Variants in TBC1D5 observed in about 807,000 individuals in gnomAD.
TBC1D5 encodes TBC1 domain family, member 5.
A neutral mutation model predicts 100.3 loss-of-function variants in TBC1D5; 75 were observed. The observed-to-expected ratio is 0.75, with a 90% confidence interval of 0.62 to 0.91. The LOEUF (loss-of-function observed/expected upper bound fraction) is 0.91, where lower values mean the gene tolerates loss of function less well. Among genes scored for constraint, TBC1D5 ranks in the 40% least tolerant of loss-of-function variants. The pLI is 0.00. For missense variants in TBC1D5, 910 were observed against 942.4 expected, an observed-to-expected ratio of 0.97 and a Z score of 0.45; for synonymous variants, 323 against 325.6, an observed-to-expected ratio of 0.99 and a Z score of 0.09.
At chr3:17,189,697 G>C (rs1559378134) in intron 18 of TBC1D5, among the ~76,000 whole-genome samples, 2 of 152,162 alleles carry the variant, frequency 1.3e-5, no homozygotes, top group Non-Finnish European at 1.5e-5. Context: ...AGCTCTTTGA[G>C]AACCCAAGTC....
At chr3:17,245,899 C>A (rs534726050) in intron 16 of TBC1D5, among the ~76,000 whole-genome samples, 1 of 152,088 alleles carries the variant, frequency 6.6e-6, no homozygotes, top group Non-Finnish European at 1.5e-5. Context: ...ATGGTTCACA[C>A]GAGCAGCATC....
intron 10 of TBC1D5, 29 bp from the exon 11 acceptor site, chr3:17,374,708 T>G: frequency 1.2e-6 from 2 of 1,603,624 alleles, no homozygotes; most frequent in Non-Finnish European, 8.5e-7. Flanking sequence ...GCAATCAAAA[T>G]GTGTAATTTT....
At chr3:17,518,148 G>A (rs9681747) in intron 2 of TBC1D5, among the ~76,000 whole-genome samples, 9,253 of 152,174 alleles carry the variant, frequency 0.061, 545 homozygotes, top group African/African-American at 0.15. Context: ...AGGGACCGGG[G>A]GCAGAGAAAT....
chr3:17,721,877 G>T (rs1353222397), intron 1 of TBC1D5, among the ~76,000 whole-genome samples: 1 of 151,806 alleles, frequency 6.6e-6, no homozygotes, highest in African/African-American at 2.4e-5. Context: ...AGCTACTGGG[G>T]AGGCTGAGGT....
intron 15 of TBC1D5, among the ~76,000 whole-genome samples, chr3:17,288,228 T>C (rs2081360208): frequency 6.6e-6 from 1 of 152,190 alleles, no homozygotes; most frequent in Non-Finnish European, 1.5e-5. Context: ...GAAAACCCCG[T>C]CCACTTGTGG....
intron 14 of TBC1D5, among the ~76,000 whole-genome samples, chr3:17,306,196 T>C (rs964352014): frequency 2.0e-5 from 3 of 152,204 alleles, no homozygotes; most frequent in African/African-American, 7.2e-5. Context: ...CAATTTTCTC[T>C]ATTGACTCAC....
intron 3 of TBC1D5, among the ~76,000 whole-genome samples, chr3:17,455,312 ATATGTG>A (rs1037779986): frequency 3.0e-5 from 4 of 132,662 alleles, no homozygotes; most frequent in African/African-American, 1.3e-4. Flanking sequence ...ATATATGTAA[ATATGTG>A]TATATGTGTA....
chr3:17,434,888 TG>T (rs1271643330), intron 3 of TBC1D5, among the ~76,000 whole-genome samples: 3 of 152,218 alleles, frequency 2.0e-5, no homozygotes, highest in Non-Finnish European at 4.4e-5. Context: ...TTGAATGCTT[TG>T]TTGCTTAGAA....
chr3:17,200,946 T>G (rs1049050476), intron 18 of TBC1D5, among the ~76,000 whole-genome samples: 1 of 152,238 alleles, frequency 6.6e-6, no homozygotes, highest in Admixed American at 6.5e-5. Context: ...GATTAATAAT[T>G]AGGCATGAAT....
intron 3 of TBC1D5, among the ~76,000 whole-genome samples, chr3:17,473,402 T>C (rs2095403434): frequency 6.6e-6 from 1 of 152,226 alleles, no homozygotes; most frequent in Non-Finnish European, 1.5e-5. Flanking sequence ...CACATTAATG[T>C]AAACATGAAT....
chr3:17,497,087 G>GACAC (rs71049202), intron 3 of TBC1D5, among the ~76,000 whole-genome samples: 1,501 of 129,048 alleles, frequency 0.012, 22 homozygotes, highest in East Asian at 0.063. Flanking sequence ...CTCTCTCTCT[G>GACAC]ACACACACAC....
chr3:17,708,933 C>G (rs969239401), intron 1 of TBC1D5, among the ~76,000 whole-genome samples: 8 of 152,194 alleles, frequency 5.3e-5, no homozygotes, highest in African/African-American at 1.9e-4. Flanking sequence ...ATAACAGGTA[C>G]ATATGCACCA....
rs2071189325 is a variant in TBC1D5 at position 17,199,564 on chromosome 3, G to A, written c.1753-14356C>T. On this transcript the variant is annotated intron_variant, in intron 18 of 21. Transcript: ENST00000253692. The stretch of plus-strand genomic sequence containing the variant: ...AGAATCCAACTGAGAACATCCCAAA[G>A]TTAAGCAATTTGGCAGCACTTCTCA... 2.0e-5 allele frequency among the ~76,000 whole-genome samples: 3 copies of A among 152,338 alleles called. No individual in the cohort carries two copies. In the South Asian group the frequency reaches 6.2e-4, roughly 32 times the overall value.
At chr3:17,324,295 A>G (rs2085802148) in intron 13 of TBC1D5, among the ~76,000 whole-genome samples, 1 of 152,228 alleles carries the variant, frequency 6.6e-6, no homozygotes, top group Admixed American at 6.5e-5. Context: ...ATAAAAACTA[A>G]TAAATTGAAT....
At chr3:17,365,924 T>A (rs1379059230) in intron 13 of TBC1D5, among the ~76,000 whole-genome samples, 1 of 152,200 alleles carries the variant, frequency 6.6e-6, no homozygotes, top group African/African-American at 2.4e-5. Flanking sequence ...GGCTTTATAA[T>A]CCTTCATTTC....
At chr3:17,220,867 C>A (rs1320582564) in intron 17 of TBC1D5, among the ~76,000 whole-genome samples, 1 of 152,074 alleles carries the variant, frequency 6.6e-6, no homozygotes, top group Non-Finnish European at 1.5e-5. Flanking sequence ...TTTTGATTCA[C>A]AAGGCTTTTT....
chr3:17,317,119 G>T (rs958919199), intron 13 of TBC1D5, among the ~76,000 whole-genome samples: 29 of 152,184 alleles, frequency 1.9e-4, no homozygotes, highest in African/African-American at 6.5e-4. Flanking sequence ...GTACTCAGGG[G>T]ATGCAAACTA....
chr3:17,301,329 G>A (rs964503185), intron 14 of TBC1D5, among the ~76,000 whole-genome samples: 4 of 152,090 alleles, frequency 2.6e-5, no homozygotes, highest in South Asian at 2.1e-4. Context: ...TTAAAAGTAG[G>A]CCATGCTTTC....
At chr3:17,559,464 G>A (rs1389651555) in intron 2 of TBC1D5, among the ~76,000 whole-genome samples, 2 of 151,968 alleles carry the variant, frequency 1.3e-5, no homozygotes, top group African/African-American at 4.8e-5. Flanking sequence ...AAATGACAAG[G>A]AAAATAAGAT....
Sources: gnomAD v4.1 joint callset for allele counts (sites outside exome capture counted in the v4.1 genomes callset) on GRCh38, gnomAD v4.1.1 for gene constraint, MANE v1.5 for transcripts, NCBI Gene and HGNC (gene_info 2026-07-23, HGNC 2026-07-21) for gene names.